ZNF232: variants seen among roughly 807,000 people sequenced by gnomAD.
The protein encoded by ZNF232 is zinc finger protein 232, also known as zinc finger and SCAN domain-containing protein 11.
In ZNF232, 25 loss-of-function variants were observed where a neutral mutation model predicts 25.2. That is an observed-to-expected ratio of 0.99 (90% CI 0.72 to 1.39). The LOEUF is 1.39. Among genes scored for constraint, ZNF232 ranks in the 40% most tolerant of loss-of-function variants. ZNF232 has a pLI of 0.00. For missense variants in ZNF232, 519 were observed against 520.9 expected (o/e 1.00, Z 0.04); for synonymous variants, 193 against 182.9 (o/e 1.06, Z -0.45).
At chr17:5,105,816 C>T (rs759756679) in exon 4 of ZNF232, 1 of 1,563,474 alleles carries the variant, frequency 6.4e-7, no homozygotes, top group South Asian at 1.2e-5. Flanking sequence ...GACGTTCTCC[C>T]CTTCAATTCA....
At chr17:5,106,271 A>T in exon 4 of ZNF232, 2 of 1,614,188 alleles carry the variant, frequency 1.2e-6, no homozygotes, top group Non-Finnish European at 8.5e-7. Context: ...TCCCTGTGGG[A>T]ATTTCCTTAT....
intron 1 of ZNF232, chr17:5,121,801 C>T (rs1041215399): frequency 6.5e-6 from 1 of 153,302 alleles, no homozygotes; most frequent in Non-Finnish European, 1.5e-5. Context: ...CCCACTTCAC[C>T]TAGGAAGAAG....
At chr17:5,110,569 C>T (rs146441785) in intron 1 of ZNF232, among the ~76,000 whole-genome samples, 91 of 152,304 alleles carry the variant, frequency 6.0e-4, no homozygotes, top group African/African-American at 2.1e-3. Context: ...TCTGAGATGG[C>T]TCCTCCCTGC....
chr17:5,108,752 T>C, intron 3 of ZNF232, 174 bp downstream of exon 3: 1 of 999,530 alleles, frequency 1.0e-6, no homozygotes, highest in Non-Finnish European at 1.4e-6. Flanking sequence ...TTACTCCTAA[T>C]TTTATGAGTG....
chr17:5,109,548 T>G, exon 2 of ZNF232: 1 of 1,614,212 alleles, frequency 6.2e-7, no homozygotes, highest in Non-Finnish European at 8.5e-7. Flanking sequence ...GATCTGCTCC[T>G]TCGTGTGTTT....
intron 1 of ZNF232, among the ~76,000 whole-genome samples, chr17:5,117,259 T>C (rs190402969): frequency 3.4e-4 from 51 of 152,180 alleles, no homozygotes; most frequent in Non-Finnish European, 7.1e-4. Flanking sequence ...GGCTCAAGCC[T>C]CTAATCCCAG....
intron 1 of ZNF232, among the ~76,000 whole-genome samples, chr17:5,119,112 A>G (rs534568797): frequency 6.6e-6 from 1 of 152,308 alleles, no homozygotes; most frequent in South Asian, 2.1e-4. Context: ...AAGTATTTAT[A>G]TGAAGAAACC....
At chr17:5,109,915 A>T (rs767057436) in intron 1 of ZNF232, 47 bp from the exon 2 acceptor site, 15 of 1,516,684 alleles carry the variant, frequency 9.9e-6, no homozygotes, top group Non-Finnish European at 1.3e-5. Context: ...TTTAAGACAG[A>T]GTCTTTCTCT....
chr17:5,109,686 C>G, exon 2 of ZNF232: 2 of 1,614,152 alleles, frequency 1.2e-6, no homozygotes, highest in Non-Finnish European at 1.7e-6. Context: ...AGAGTGGTTC[C>G]CAGGTAGCCT....
chr17:5,120,785 C>T, intron 1 of ZNF232: 1 of 448,308 alleles, frequency 2.2e-6, no homozygotes, highest in South Asian at 1.6e-5. Flanking sequence ...GTTTCTTCAG[C>T]ATGGTGGGTG....
rs573817333 is a variant in ZNF232 at position 5,118,749 on chromosome 17, C to T, written c.-530+4228G>A. Among the ~76,000 whole-genome samples the T allele has an allele frequency of 3.9e-5, 6 of 152,180 alleles. No individual in the cohort carries two copies. In the South Asian group the frequency reaches 8.3e-4, roughly 21 times the overall value. On this transcript the variant is annotated intron_variant, in intron 1 of 4. Coordinates refer to the ZNF232 transcript ENST00000250076. Reference sequence around the variant, plus strand: ...ACAGAGTGATCACAGTGGCTCTCAGCGGAGAGGGGAGCTAGAGAGGGGGTA... The same window carrying T: ...ACAGAGTGATCACAGTGGCTCTCAGTGGAGAGGGGAGCTAGAGAGGGGGTA...
In ZNF232 at chr17:5,106,000, A is replaced by AG. The variant is rs759358325; in HGVS notation, c.1131dup (p.Tyr378LeufsTer2). 4 of 1,614,164 alleles carry AG rather than the reference A, an allele frequency of 2.5e-6. No homozygotes were observed. Among genetic ancestry groups the AG allele is most frequent in the African/African-American group, 1.3e-5 (1 of 75,052 alleles). On this transcript the variant is annotated frameshift_variant, in exon 4 of 4. Coordinates refer to ENST00000575898, the Ensembl canonical transcript of ZNF232. LOFTEE classifies it low-confidence loss of function (END_TRUNC). ...GCCTTCCCACACTCATTACACTCAT[A>AG]GGGCTTCTCTCCTGAGTGAATCCTC... is the stretch of plus-strand genomic sequence containing the variant.
chr17:5,122,822 G>A (rs1196265623), intron 1 of ZNF232, among the ~76,000 whole-genome samples: 1 of 152,238 alleles, frequency 6.6e-6, no homozygotes, highest in Non-Finnish European at 1.5e-5. Context: ...CGCGGAGAGC[G>A]CACTGAGCTC....
At chr17:5,119,848 A>G (rs559464861) in intron 1 of ZNF232, among the ~76,000 whole-genome samples, 13 of 152,318 alleles carry the variant, frequency 8.5e-5, no homozygotes, top group African/African-American at 3.1e-4. Flanking sequence ...ACCCGTGAAG[A>G]AACTGAAGCT....
intron 1 of ZNF232, among the ~76,000 whole-genome samples, chr17:5,121,950 C>T (rs924102893): frequency 2.0e-5 from 3 of 152,064 alleles, no homozygotes; most frequent in African/African-American, 7.2e-5. Flanking sequence ...TGGATTAGAT[C>T]ACGTAGGCAA....
At chr17:5,109,579 A>G (rs117313357) in exon 2 of ZNF232, 2 of 1,614,224 alleles carry the variant, frequency 1.2e-6, no homozygotes, top group Non-Finnish European at 1.7e-6. Flanking sequence ...AGCCACTCAC[A>G]GCAGAGTACT....
At chr17:5,107,226 A>C (rs1275056160) in intron 3 of ZNF232, among the ~76,000 whole-genome samples, 1 of 151,544 alleles carries the variant, frequency 6.6e-6, no homozygotes, top group Non-Finnish European at 1.5e-5. Context: ...GTCTCTACTA[A>C]AAATACAGAA....
chr17:5,119,809 T>G (rs2072611196), intron 1 of ZNF232, among the ~76,000 whole-genome samples: 1 of 152,220 alleles, frequency 6.6e-6, no homozygotes, highest in Non-Finnish European at 1.5e-5. Context: ...GATAAACAGC[T>G]GGGAGAAAGA....
intron 1 of ZNF232, among the ~76,000 whole-genome samples, chr17:5,119,385 G>A (rs748347965): frequency 1.3e-5 from 2 of 152,170 alleles, no homozygotes; most frequent in Non-Finnish European, 2.9e-5. Context: ...TGAATAGGTG[G>A]GCTTTTATTT....
Sources: allele counts gnomAD v4.1 joint callset (sites outside exome capture counted in the v4.1 genomes callset), GRCh38; gene constraint gnomAD v4.1.1; transcripts MANE v1.5; gene names NCBI Gene and HGNC (gene_info 2026-07-23, HGNC 2026-07-21).